Variants in NBEA observed in about 807,000 individuals in gnomAD.
The protein encoded by NBEA is lysosomal-trafficking regulator 2.
A neutral mutation model predicts 343.4 loss-of-function variants in NBEA; 44 were observed. The ratio of observed to expected loss-of-function variants is 0.13; its 90% confidence interval spans 0.10 to 0.16. The LOEUF is 0.16. Among genes scored for constraint, NBEA ranks in the 10% least tolerant of loss-of-function variants. The pLI is 1.00. For synonymous variants in NBEA, 1,175 were observed against 1,238.7 expected, an observed-to-expected ratio of 0.95 and a Z score of 1.08; for missense variants, 2,555 against 3,631.3, an observed-to-expected ratio of 0.70 and a Z score of 7.62.
Position 35,543,885 on chromosome 13 carries a change from C to T in NBEA, c.6586-6592C>T, listed in dbSNP as rs141424693. Among the ~76,000 whole-genome samples, 16 of 152,158 alleles carry T rather than the reference C, an allele frequency of 1.1e-4. No homozygotes were observed. In the East Asian group the frequency reaches 2.9e-3, roughly 28 times the overall value. ...GCAGGTATCAGTCAGACATGGTCTT[C>T]CAGGTGGTCATTTTGGAAGTCAAGC... On this transcript the variant is annotated intron_variant, in intron 41 of 58. Transcript: ENST00000379939.
At chr13:35,378,374 T>C (rs1181502495) in intron 38 of NBEA, among the ~76,000 whole-genome samples, 2 of 152,158 alleles carry the variant, frequency 1.3e-5, no homozygotes, top group African/African-American at 4.8e-5. Flanking sequence ...TTTCAGAAAA[T>C]AAAATAGGTC....
chr13:35,007,407 A>G (rs897472319), intron 1 of NBEA, among the ~76,000 whole-genome samples: 2 of 152,184 alleles, frequency 1.3e-5, no homozygotes, highest in Non-Finnish European at 2.9e-5. Context: ...CCATTGAATT[A>G]TCAAATTCAC....
chr13:35,529,552 ACAAT>A (rs2078155509), intron 41 of NBEA, among the ~76,000 whole-genome samples: 1 of 152,264 alleles, frequency 6.6e-6, no homozygotes, highest in South Asian at 2.1e-4. Flanking sequence ...CATATAGTAA[ACAAT>A]CAACCTATGC....
intron 8 of NBEA, among the ~76,000 whole-genome samples, chr13:35,061,820 A>G (rs1310236268): frequency 1.3e-5 from 2 of 151,720 alleles, no homozygotes; most frequent in African/African-American, 2.4e-5. Flanking sequence ...TATAATATAG[A>G]TAACATCTAT....
At chr13:35,308,931 A>T (rs754573996) in intron 35 of NBEA, among the ~76,000 whole-genome samples, 2 of 151,750 alleles carry the variant, frequency 1.3e-5, no homozygotes, top group East Asian at 3.8e-4. Context: ...CAGAGATTAC[A>T]TAGTTATCTA....
In NBEA at chr13:35,109,395, G is replaced by A. The variant is rs267603809; in HGVS notation, c.1786G>A (p.Asp596Asn). ...HGAPLLKQLC[D>N]HILFNPAIWI... ...AGCACCTTTGCTGAAGCAGCTTTGTGATCACATTTTATTTAACCCAGCCAT... is the reference window on the plus strand; with the variant it reads ...AGCACCTTTGCTGAAGCAGCTTTGTAATCACATTTTATTTAACCCAGCCAT... The change falls in exon 12 of 59, where the codon GAT (aspartate) becomes AAT (asparagine). Residue 596 changes from aspartate (D) to asparagine (N), a missense_variant. Asp to Asn is a conservative substitution (Grantham distance 23, BLOSUM62 1). Coordinates refer to ENST00000379939, the MANE Select transcript of NBEA (RefSeq NM_001385012.1). The A allele has an allele frequency of 1.2e-6, 2 of 1,611,852 alleles. No individual in the cohort carries two copies. Among genetic ancestry groups the A allele is most frequent in the Non-Finnish European group, 1.7e-6 (2 of 1,178,906 alleles).
intron 17 of NBEA, among the ~76,000 whole-genome samples, chr13:35,141,336 G>A (rs1241538848): frequency 1.3e-5 from 2 of 151,882 alleles, no homozygotes; most frequent in African/African-American, 4.8e-5. Flanking sequence ...GCTCGATCTC[G>A]GCTCACTGCA....
intron 36 of NBEA, among the ~76,000 whole-genome samples, chr13:35,343,882 A>G (rs1019012134): frequency 2.6e-5 from 4 of 152,080 alleles, no homozygotes; most frequent in Non-Finnish European, 4.4e-5. Context: ...ATATATTACA[A>G]TGTAATAATA....
intron 33 of NBEA, among the ~76,000 whole-genome samples, chr13:35,213,675 T>C (rs904366225): frequency 1.4e-5 from 2 of 147,632 alleles, no homozygotes; most frequent in Admixed American, 1.4e-4. Context: ...TCTAAATTGA[T>C]TTATTCTTAG....
At chr13:35,455,476 T>G (rs2046532118) in intron 40 of NBEA, among the ~76,000 whole-genome samples, 2 of 152,192 alleles carry the variant, frequency 1.3e-5, no homozygotes, top group African/African-American at 4.8e-5. Context: ...CCAGCTTTTT[T>G]CGACATATAA....
intron 7 of NBEA, 142 bp downstream of exon 7, chr13:35,056,271 G>A: frequency 1.3e-6 from 1 of 770,226 alleles, no homozygotes; most frequent in Non-Finnish European, 1.8e-6. Flanking sequence ...ATCTTTCATT[G>A]TTAAATTTAG....
chr13:35,080,999 A>AT (rs2064362705), intron 10 of NBEA, among the ~76,000 whole-genome samples: 1 of 152,148 alleles, frequency 6.6e-6, no homozygotes, highest in African/African-American at 2.4e-5. Flanking sequence ...TCCCAAGTTT[A>AT]TCAGTAGGGC....
chr13:35,072,722 C>T (rs566625359), intron 10 of NBEA, among the ~76,000 whole-genome samples: 47 of 152,038 alleles, frequency 3.1e-4, no homozygotes, highest in African/African-American at 1.0e-3. Flanking sequence ...CCACCATGCC[C>T]AGCTAATTTT....
At chr13:35,290,861 T>C (rs1200116855) in intron 35 of NBEA, among the ~76,000 whole-genome samples, 1 of 151,682 alleles carries the variant, frequency 6.6e-6, no homozygotes, top group African/African-American at 2.4e-5. Context: ...AAGTGTATGA[T>C]ACAGCTTATT....
chr13:35,216,696 T>C (rs1339915569), intron 33 of NBEA, among the ~76,000 whole-genome samples: 1 of 152,046 alleles, frequency 6.6e-6, no homozygotes, highest in Non-Finnish European at 1.5e-5. Context: ...TCACTAAAAA[T>C]ACTGCCATGC....
chr13:35,277,387 C>A (rs751352605), intron 34 of NBEA, among the ~76,000 whole-genome samples: 1 of 151,664 alleles, frequency 6.6e-6, no homozygotes, highest in Non-Finnish European at 1.5e-5. Flanking sequence ...TTTGGGAGGC[C>A]GAGGTGGGTA....
chr13:35,330,380 G>A (rs887449012), intron 36 of NBEA, among the ~76,000 whole-genome samples: 3 of 151,986 alleles, frequency 2.0e-5, no homozygotes, highest in Non-Finnish European at 2.9e-5. Flanking sequence ...GAAGGCTCTG[G>A]ACAATCGTGA....
At chr13:35,489,172 T>G (rs1450483956) in intron 41 of NBEA, among the ~76,000 whole-genome samples, 1 of 151,764 alleles carries the variant, frequency 6.6e-6, no homozygotes, top group African/African-American at 2.4e-5. Context: ...CTGCCTGAAA[T>G]TTGGCTTTCT....
chr13:35,125,243 C>A lies in NBEA; in HGVS notation c.2336+1669C>A, dbSNP rs563866392. Among the ~76,000 whole-genome samples the A allele has an allele frequency of 3.4e-4, 52 of 152,194 alleles. No individual in the cohort carries two copies. The South Asian group carries it at 0.011, about 32-fold the overall frequency. On this transcript the variant is annotated intron_variant, in intron 17 of 58. Transcript: ENST00000379939. ...ATGAACTCCAGAATACGGGTATCAG[C>A]TGCTTAAAGTTGCTCAGGTTGGGTA...
Sources: allele counts gnomAD v4.1 joint callset (sites outside exome capture counted in the v4.1 genomes callset), GRCh38; gene constraint gnomAD v4.1.1; transcripts MANE v1.5; gene names NCBI Gene and HGNC (gene_info 2026-07-23, HGNC 2026-07-21).